The following STXBP4 variants were observed in gnomAD, a reference collection of about 807,000 sequenced individuals.
STXBP4 encodes the protein syntaxin-binding protein 4.
A neutral mutation model predicts 76.1 loss-of-function variants in STXBP4; 55 were observed. That is an observed-to-expected ratio of 0.72 (90% CI 0.58 to 0.91). The LOEUF (loss-of-function observed/expected upper bound fraction) is 0.91. Among genes scored for constraint, STXBP4 ranks in the 40% least tolerant of loss-of-function variants. STXBP4 has a pLI of 0.00. For missense variants in STXBP4, 618 were observed against 636.9 expected, an observed-to-expected ratio of 0.97 and a Z score of 0.32; for synonymous variants, 201 against 220.2, an observed-to-expected ratio of 0.91 and a Z score of 0.77.
chr17:55,029,606 C>T (rs1017361780), intron 8 of STXBP4, among the ~76,000 whole-genome samples: 6 of 150,874 alleles, frequency 4.0e-5, no homozygotes, highest in African/African-American at 1.2e-4. Flanking sequence ...GACTACTATA[C>T]GAGATAAGCA....
At chr17:55,018,630 G>A (rs2078250862) in intron 8 of STXBP4, among the ~76,000 whole-genome samples, 2 of 152,212 alleles carry the variant, frequency 1.3e-5, no homozygotes, top group Admixed American at 1.3e-4. Context: ...TCCAAAAAAG[G>A]AGTCAGCAAA....
intron 12 of STXBP4, among the ~76,000 whole-genome samples, chr17:55,056,854 A>G (rs2078929430): frequency 6.6e-6 from 1 of 152,190 alleles, no homozygotes; most frequent in African/African-American, 2.4e-5. Flanking sequence ...AAAAAATATT[A>G]GCATCAAATT....
At chr17:55,099,439 C>T (rs750076502) in intron 16 of STXBP4, among the ~76,000 whole-genome samples, 21 of 152,174 alleles carry the variant, frequency 1.4e-4, no homozygotes, top group Non-Finnish European at 2.9e-4. Context: ...GGCTATATGG[C>T]ATATAGCCTA....
At chr17:55,127,550 T>C (rs1462971144) in intron 16 of STXBP4, among the ~76,000 whole-genome samples, 2 of 152,236 alleles carry the variant, frequency 1.3e-5, no homozygotes, top group Non-Finnish European at 2.9e-5. Context: ...TCAGAACCTA[T>C]ATTCTTTGCA....
At chr17:55,012,849 G>A (rs918399443) in intron 8 of STXBP4, among the ~76,000 whole-genome samples, 2 of 152,162 alleles carry the variant, frequency 1.3e-5, no homozygotes, top group Non-Finnish European at 2.9e-5. Flanking sequence ...ACCTCTAGAA[G>A]GTCCCCTCGA....
chr17:55,028,342 T>A (rs1411970509), intron 8 of STXBP4, among the ~76,000 whole-genome samples: 1 of 152,040 alleles, frequency 6.6e-6, no homozygotes. Flanking sequence ...ATAACAATTT[T>A]AAAAAGCATG....
At chr17:55,094,159 G>T (rs1460049139) in intron 16 of STXBP4, among the ~76,000 whole-genome samples, 1 of 133,514 alleles carries the variant, frequency 7.5e-6, no homozygotes, top group African/African-American at 2.8e-5. Context: ...CATACTTGAG[G>T]GACAGGAAAA....
At chr17:55,176,199 G>A (rs1418892794), downstream of STXBP4, among the ~76,000 whole-genome samples, 4 of 152,210 alleles carry the variant, frequency 2.6e-5, no homozygotes, top group African/African-American at 9.6e-5. Context: ...GTGAAGCAGA[G>A]AAGAAGGCAA....
rs535191560 is a variant in STXBP4, at chr17:55,024,865, C to T, written c.667-6303C>T. Among the ~76,000 whole-genome samples the T allele has an allele frequency of 1.0e-3, 154 of 152,172 alleles. 2 individuals carry two copies. Among genetic ancestry groups the T allele is most frequent in the African/African-American group, 3.5e-3 (147 of 41,520 alleles). ...TTAGTAAGTTATAGATGGCCGGGCA[C>T]GGTGGCTCACACCTGTAATCCCAGC... is the stretch of plus-strand genomic sequence containing the variant. On this transcript the variant is annotated intron_variant, in intron 8 of 17. Coordinates refer to ENST00000376352, the MANE Select transcript of STXBP4 (RefSeq NM_178509.6).
chr17:55,117,901 G>A lies in STXBP4; in HGVS notation c.1490-23409G>A, dbSNP rs557433476. Among the ~76,000 whole-genome samples, 3 of 152,008 alleles carry A rather than the reference G, an allele frequency of 2.0e-5. No individual in the cohort carries two copies. In the East Asian group the frequency reaches 5.8e-4, roughly 29 times the overall value. ...GTGTGTCAGACACTGTATTGAATGA[G>A]GAATAAAACAGACACAGTCTTCCTG... On this transcript the variant is annotated intron_variant, in intron 16 of 17. Transcript: ENST00000376352.
chr17:55,007,701 G>C, intron 8 of STXBP4, 104 bp downstream of exon 8: 1 of 825,834 alleles, frequency 1.2e-6, no homozygotes, highest in Non-Finnish European at 1.9e-6. Context: ...GTTTCTTGAA[G>C]TTACTTATTT....
intron 8 of STXBP4, among the ~76,000 whole-genome samples, chr17:55,026,603 A>G (rs1472943295): frequency 6.6e-6 from 1 of 152,204 alleles, no homozygotes; most frequent in Non-Finnish European, 1.5e-5. Flanking sequence ...CTGGCAGTGT[A>G]GCTCACAGGG....
intron 6 of STXBP4, 118 bp from the exon 7 acceptor site, chr17:55,000,690 G>A: frequency 2.7e-6 from 2 of 746,876 alleles, no homozygotes; most frequent in Non-Finnish European, 2.3e-6. Context: ...AATTTTAGAG[G>A]TTTCATATTT....
chr17:55,029,593 C>T (rs1186847627), intron 8 of STXBP4, among the ~76,000 whole-genome samples: 2 of 150,898 alleles, frequency 1.3e-5, no homozygotes, highest in Non-Finnish European at 3.0e-5. Context: ...AATGCAAATA[C>T]TTGACTACTA....
chr17:55,136,590 C>T (rs760438226), intron 16 of STXBP4, among the ~76,000 whole-genome samples: 12 of 151,986 alleles, frequency 7.9e-5, no homozygotes, highest in South Asian at 2.1e-4. Context: ...TTCCCATCTC[C>T]GTATTCAGTG....
intron 16 of STXBP4, 103 bp downstream of exon 16, chr17:55,081,286 G>T: frequency 1.2e-6 from 1 of 804,382 alleles, no homozygotes; most frequent in Non-Finnish European, 1.7e-6. Context: ...CTACAGCAAA[G>T]TTGATACCTA....
At chr17:55,185,260 T>TCTTCTC in the STXBP4 span, among the ~76,000 whole-genome samples, 3 of 50,622 alleles carry the variant, frequency 5.9e-5, no homozygotes, top group African/African-American at 2.9e-4. Flanking sequence ...TCCTTCTCCT[T>TCTTCTC]CTCCTTCTCC....
intron 17 of STXBP4, among the ~76,000 whole-genome samples, chr17:55,155,717 T>G (rs554047520): frequency 1.3e-5 from 2 of 152,278 alleles, no homozygotes; most frequent in South Asian, 4.1e-4. Flanking sequence ...GCCCTTTTTG[T>G]CATTAAATCC....
At chr17:55,141,443 G>A in intron 17 of STXBP4, 76 bp downstream of exon 17, 2 of 1,281,900 alleles carry the variant, frequency 1.6e-6, no homozygotes, top group Non-Finnish European at 2.2e-6. Context: ...AGAATAATCA[G>A]CAAAACTAAG....
Sources: gnomAD v4.1 joint callset for allele counts (sites outside exome capture counted in the v4.1 genomes callset) on GRCh38, gnomAD v4.1.1 for gene constraint, MANE v1.5 for transcripts, NCBI Gene and HGNC (gene_info 2026-07-23, HGNC 2026-07-21) for gene names.